Variants in GNA14 observed in about 807,000 individuals in gnomAD.
GNA14 encodes the protein guanine nucleotide-binding protein subunit alpha-14.
A neutral mutation model predicts 42.0 loss-of-function variants in GNA14; 50 were observed. That is an observed-to-expected ratio of 1.19 (90% CI 0.95 to 1.51). The LOEUF (loss-of-function observed/expected upper bound fraction) is 1.51. Among genes scored for constraint, GNA14 ranks in the 40% most tolerant of loss-of-function variants. GNA14 has a pLI of 0.00. For synonymous variants in GNA14, 173 were observed against 163.1 expected, an observed-to-expected ratio of 1.06 and a Z score of -0.46; for missense variants, 473 against 446.2, an observed-to-expected ratio of 1.06 and a Z score of -0.54.
chr9:77,511,510 C>CA (rs1837169622), intron 2 of GNA14, among the ~76,000 whole-genome samples: 1 of 152,220 alleles, frequency 6.6e-6, no homozygotes, highest in Non-Finnish European at 1.5e-5. Context: ...ACAATGTACG[C>CA]ATCCCCCTTT....
chr9:77,511,940 T>C (rs1343047459), intron 2 of GNA14, among the ~76,000 whole-genome samples: 1 of 152,166 alleles, frequency 6.6e-6, no homozygotes, highest in East Asian at 1.9e-4. Flanking sequence ...CGATAACTGT[T>C]TGATGAATGA....
chr9:77,472,079 G>A (rs1564024485), intron 2 of GNA14, among the ~76,000 whole-genome samples: 1 of 152,132 alleles, frequency 6.6e-6, no homozygotes, highest in South Asian at 2.1e-4. Flanking sequence ...GAATCTGGCA[G>A]TGCTTGTCCA....
chr9:77,437,086 T>C (rs1835650787), intron 2 of GNA14, among the ~76,000 whole-genome samples: 1 of 152,190 alleles, frequency 6.6e-6, no homozygotes, highest in Non-Finnish European at 1.5e-5. Context: ...TTTGCTGCTA[T>C]GCTAAGTTTC....
Position 77,486,291 on chromosome 9 carries a change from T to C in GNA14, c.309+42778A>G, listed in dbSNP as rs7875328. ...ACCTCTTCTCACTTCCAGCTTTTAT[T>C]GTGCAGCTTCCTTACCTCTCAGCTT... On this transcript the variant is annotated intron_variant, in intron 2 of 6. Coordinates refer to ENST00000341700, the MANE Select transcript of GNA14 (RefSeq NM_004297.4). Among the ~76,000 whole-genome samples the C allele has an allele frequency of 6.1e-3, 936 of 152,342 alleles. 11 individuals carry two copies. The highest frequency in any genetic ancestry group is 0.021 in the African/African-American group (883 of 41,580).
intron 2 of GNA14, among the ~76,000 whole-genome samples, chr9:77,499,537 G>T (rs1020645578): frequency 6.6e-6 from 1 of 151,972 alleles, no homozygotes; most frequent in African/African-American, 2.4e-5. Context: ...ATACAAAAAG[G>T]CCACATAGCA....
chr9:77,477,708 C>T (rs1306634429), intron 2 of GNA14, among the ~76,000 whole-genome samples: 1 of 152,152 alleles, frequency 6.6e-6, no homozygotes, highest in African/African-American at 2.4e-5. Context: ...TTGAGGGAAG[C>T]AGTGACACTG....
At chr9:77,605,754 C>T (rs899437494) in intron 1 of GNA14, among the ~76,000 whole-genome samples, 3 of 152,160 alleles carry the variant, frequency 2.0e-5, no homozygotes, top group Non-Finnish European at 4.4e-5. Flanking sequence ...GAGCTGAAAG[C>T]CAAAGAACTT....
At chr9:77,632,869 T>C (rs990610727) in intron 1 of GNA14, among the ~76,000 whole-genome samples, 5 of 152,174 alleles carry the variant, frequency 3.3e-5, no homozygotes, top group Admixed American at 6.5e-5. Flanking sequence ...GGTGTGGGAC[T>C]CAGGCTGGTA....
intron 1 of GNA14, among the ~76,000 whole-genome samples, chr9:77,557,448 T>A (rs1036602814): frequency 4.6e-5 from 7 of 152,226 alleles, no homozygotes; most frequent in Non-Finnish European, 1.0e-4. Flanking sequence ...CTAGGACAAG[T>A]ACAGACATTT....
At chr9:77,609,878 C>T (rs997008864) in intron 1 of GNA14, among the ~76,000 whole-genome samples, 9 of 152,286 alleles carry the variant, frequency 5.9e-5, no homozygotes, top group African/African-American at 1.9e-4. Flanking sequence ...TTTTGAAATG[C>T]AGGGAGGTTC....
At chr9:77,480,047 TCTC>T (rs1417925227) in intron 2 of GNA14, among the ~76,000 whole-genome samples, 1 of 152,164 alleles carries the variant, frequency 6.6e-6, no homozygotes, top group African/African-American at 2.4e-5. Context: ...TTTATTTCCT[TCTC>T]CTGCCTGATT....
intron 1 of GNA14, chr9:77,635,356 C>T (rs1474709075): frequency 6.6e-6 from 1 of 152,210 alleles, no homozygotes; most frequent in Non-Finnish European, 1.5e-5. Context: ...TGACAGCATG[C>T]TATTCCAAGA....
chr9:77,636,852 G>C (rs930667752), intron 1 of GNA14, among the ~76,000 whole-genome samples: 1 of 152,098 alleles, frequency 6.6e-6, no homozygotes, highest in Non-Finnish European at 1.5e-5. Context: ...CATTCAAACC[G>C]CAGCACAAGC....
At chr9:77,474,841 G>A (rs1267436424) in intron 2 of GNA14, among the ~76,000 whole-genome samples, 1 of 152,048 alleles carries the variant, frequency 6.6e-6, no homozygotes, top group East Asian at 1.9e-4. Flanking sequence ...ACTGATACAG[G>A]TTACAAAGTA....
chr9:77,431,221 G>A, intron 4 of GNA14, 100 bp downstream of exon 4: 1 of 1,140,486 alleles, frequency 8.8e-7, no homozygotes, highest in Non-Finnish European at 1.3e-6. Flanking sequence ...TCTGTCCTAA[G>A]AGATATAATC....
chr9:77,470,094 T>C lies in GNA14; in HGVS notation c.310-35572A>G, dbSNP rs913081598. ...TTCTGTTTTGGACAGCAAGGAGTTA[T>C]CAGGGCATCCAGTAACCTCCCCATC... On this transcript the variant is annotated intron_variant, in intron 2 of 6. Coordinates refer to ENST00000341700, the MANE Select transcript of GNA14 (RefSeq NM_004297.4). 3.0e-4 allele frequency among the ~76,000 whole-genome samples: 46 copies of C among 152,160 alleles called. 2 individuals are homozygous for C. The highest frequency in any genetic ancestry group is 4.1e-4 in the South Asian group (2 of 4,824).
At chr9:77,566,208 G>A (rs1239331872) in intron 1 of GNA14, among the ~76,000 whole-genome samples, 1 of 142,816 alleles carries the variant, frequency 7.0e-6, no homozygotes, top group African/African-American at 2.6e-5. Context: ...AGACTGGAGT[G>A]TGGTGGTGCA....
chr9:77,495,185 G>T (rs1030584851), intron 2 of GNA14, among the ~76,000 whole-genome samples: 3 of 152,058 alleles, frequency 2.0e-5, no homozygotes, highest in African/African-American at 7.2e-5. Flanking sequence ...TAGACCAAAG[G>T]AAGAACTCTG....
chr9:77,438,275 T>TC (rs1264741082), intron 2 of GNA14, among the ~76,000 whole-genome samples: 1 of 152,086 alleles, frequency 6.6e-6, no homozygotes, highest in Non-Finnish European at 1.5e-5. Context: ...TTAAGATTTT[T>TC]TTTTTTTTAA....
Sources: allele counts gnomAD v4.1 joint callset (sites outside exome capture counted in the v4.1 genomes callset), GRCh38; gene constraint gnomAD v4.1.1; transcripts MANE v1.5; gene names NCBI Gene and HGNC (gene_info 2026-07-23, HGNC 2026-07-21).